PSD3: variants seen among roughly 807,000 people sequenced by gnomAD.
PSD3 encodes the protein pleckstrin and Sec7 domain containing 3.
A neutral mutation model predicts 105.5 loss-of-function variants in PSD3; 49 were observed. The ratio of observed to expected loss-of-function variants is 0.46; its 90% CI spans 0.37 to 0.59. PSD3 has a LOEUF of 0.59. Ranked by LOEUF, PSD3 falls within the 20% of genes least tolerant of loss-of-function variation. The probability of loss-of-function intolerance (pLI) is 0.00; values close to 1 mark genes in which losing one functional copy is unlikely to be tolerated. For missense variants in PSD3, 1,561 were observed against 1,263.8 expected, an observed-to-expected ratio of 1.24 and a Z score of -3.57; for synonymous variants, 557 against 457.8, an observed-to-expected ratio of 1.22 and a Z score of -2.77.
intron 2 of PSD3, chr8:18,886,899 C>T (rs1480154751): frequency 6.6e-6 from 1 of 152,220 alleles, no homozygotes; most frequent in African/African-American, 2.4e-5. Flanking sequence ...TTTGCTCTCC[C>T]TGTCTGCCTC....
At chr8:18,980,182 G>C (rs1825178801) in intron 1 of PSD3, among the ~76,000 whole-genome samples, 1 of 152,216 alleles carries the variant, frequency 6.6e-6, no homozygotes, top group Admixed American at 6.5e-5. Flanking sequence ...ATGTGAGTGA[G>C]ACTCCACCTC....
chr8:18,892,342 G>A (rs935336996), intron 2 of PSD3, among the ~76,000 whole-genome samples: 1 of 151,402 alleles, frequency 6.6e-6, no homozygotes, highest in Non-Finnish European at 1.5e-5. Flanking sequence ...TCCTGCCTCA[G>A]CCTCCCGAGT....
chr8:18,593,450 C>T lies in PSD3; in HGVS notation c.2481+6914G>A, dbSNP rs575894108. 2.1e-3 allele frequency among the ~76,000 whole-genome samples: 316 copies of T among 152,164 alleles called. 1 individual carries two copies. Among genetic ancestry groups the T allele is most frequent in the Non-Finnish European group, 3.7e-3 (253 of 67,992 alleles). ...TATCATCTCACACCAGTTAGAACGGCGATCGTTAAAAAGTCAGGAAACAAC... is the reference window on the plus strand; with the variant it reads ...TATCATCTCACACCAGTTAGAACGGTGATCGTTAAAAAGTCAGGAAACAAC... On this transcript the variant is annotated intron_variant, in intron 12 of 15. Transcript: ENST00000327040.
intron 1 of PSD3, among the ~76,000 whole-genome samples, chr8:19,082,322 G>C (rs1829670051): frequency 6.6e-6 from 1 of 152,122 alleles, no homozygotes; most frequent in African/African-American, 2.4e-5. Flanking sequence ...GGTCCTACCT[G>C]GTGTCTCACT....
intron 4 of PSD3, among the ~76,000 whole-genome samples, chr8:18,826,653 T>G (rs925975170): frequency 2.6e-5 from 4 of 152,252 alleles, no homozygotes; most frequent in Non-Finnish European, 5.9e-5. Flanking sequence ...TCTTTGAAGT[T>G]TGAAGAATGC....
At chr8:18,748,780 C>G (rs963237644) in intron 9 of PSD3, among the ~76,000 whole-genome samples, 30 of 152,062 alleles carry the variant, frequency 2.0e-4, no homozygotes, top group African/African-American at 6.5e-4. Context: ...CATCATCTCT[C>G]CACACAAGCT....
At chr8:18,630,798 G>A (rs1806842528) in intron 11 of PSD3, among the ~76,000 whole-genome samples, 1 of 151,892 alleles carries the variant, frequency 6.6e-6, no homozygotes, top group African/African-American at 2.4e-5. Flanking sequence ...CATTGAATAT[G>A]TACAGACTTT....
intron 8 of PSD3, among the ~76,000 whole-genome samples, chr8:18,793,162 C>G (rs1345503773): frequency 6.6e-6 from 1 of 151,904 alleles, no homozygotes. Context: ...ACATTGCACA[C>G]CCCCTGTCGT....
chr8:18,682,918 A>T (rs1411081376), intron 9 of PSD3, among the ~76,000 whole-genome samples: 3 of 152,038 alleles, frequency 2.0e-5, no homozygotes, highest in African/African-American at 7.3e-5. Flanking sequence ...CTCTCTGCAC[A>T]TTATCAAGCC....
chr8:18,622,274 G>A (rs886829176), intron 11 of PSD3, among the ~76,000 whole-genome samples: 1 of 152,098 alleles, frequency 6.6e-6, no homozygotes, highest in South Asian at 2.1e-4. Context: ...CACACAATTA[G>A]CCTCCTTTGA....
At chr8:18,856,122 G>A (rs1326076833) in intron 4 of PSD3, among the ~76,000 whole-genome samples, 2 of 151,910 alleles carry the variant, frequency 1.3e-5, no homozygotes, top group Non-Finnish European at 2.9e-5. Flanking sequence ...CCTGCTCCAC[G>A]CCACCCACAA....
In PSD3 at chr8:18,617,247, C is replaced by T. The variant is rs1298519335; in HGVS notation, c.2410+15366G>A. Among the ~76,000 whole-genome samples, 3 of 152,044 alleles carry T rather than the reference C, an allele frequency of 2.0e-5. No homozygotes were observed. In the East Asian group the frequency reaches 5.8e-4, roughly 29 times the overall value. On this transcript the variant is annotated intron_variant, in intron 11 of 15. Transcript: ENST00000327040. ...TATTTGTTAATTTTAAACTTTTCTA[C>T]TGGCCGGGCATGGTCGCTCATACCT...
chr8:18,838,715 T>C (rs770933546), intron 4 of PSD3, among the ~76,000 whole-genome samples: 1 of 151,324 alleles, frequency 6.6e-6, no homozygotes, highest in Non-Finnish European at 1.5e-5. Flanking sequence ...GGCAGGAGAA[T>C]GGCGTGAACC....
At chr8:18,813,177 G>A (rs1313523182) in intron 4 of PSD3, among the ~76,000 whole-genome samples, 1 of 152,152 alleles carries the variant, frequency 6.6e-6, no homozygotes, top group Non-Finnish European at 1.5e-5. Flanking sequence ...GTTCAAGGGT[G>A]GGTACAAGAC....
Position 19,047,975 on chromosome 8 carries a change from CCTT to C in PSD3, c.324+36228_324+36230del, listed in dbSNP as rs1248097719. On this transcript the variant is annotated intron_variant, in intron 1 of 1. Transcript: ENST00000521475. Reference sequence around the variant, plus strand: ...TTTAATGAAGCAGCATGAAAATTCACCTTCTACCTTTGCCTCTTCAGCAACTCC... The same window carrying C: ...TTTAATGAAGCAGCATGAAAATTCACCTACCTTTGCCTCTTCAGCAACTCC... 3.3e-5 allele frequency among the ~76,000 whole-genome samples: 5 copies of C among 152,072 alleles called. No individual in the cohort carries two copies. In the East Asian group the frequency reaches 9.7e-4, roughly 29 times the overall value.
chr8:18,904,372 A>C (rs1411563120), intron 2 of PSD3, among the ~76,000 whole-genome samples: 1 of 152,152 alleles, frequency 6.6e-6, no homozygotes, highest in Non-Finnish European at 1.5e-5. Context: ...TTGCACTCCA[A>C]CCCAGGCTGT....
intron 9 of PSD3, among the ~76,000 whole-genome samples, chr8:18,684,985 A>G (rs1183518479): frequency 6.6e-6 from 1 of 152,242 alleles, no homozygotes; most frequent in Non-Finnish European, 1.5e-5. Context: ...ATGTCTCACT[A>G]TCTGGCATCC....
rs1216632780 is a variant in PSD3 at position 19,013,629 on chromosome 8, T to A, written c.-46A>T. On this transcript the variant is annotated 5_prime_UTR_variant, in exon 1 of 16. Transcript: ENST00000327040. The stretch of plus-strand genomic sequence containing the variant: ...GCGCGCCGAAACCGCCGCCGGGCGC[T>A]CCGGGGCCGCAGCCTCAGGGCGCGA... 1 of 1,338,500 alleles carries A rather than the reference T, an allele frequency of 7.5e-7. No homozygotes were observed. The highest frequency in any genetic ancestry group is 3.3e-5 in the East Asian group (1 of 30,648). The allele number at this position is 1,338,500 out of a possible 1,614,324, so 82.9% of individuals were successfully genotyped here. A position where few individuals can be genotyped will look rare whatever the true frequency, so the allele number is the denominator to read the frequency against.
intron 4 of PSD3, among the ~76,000 whole-genome samples, chr8:18,865,813 G>A (rs908891871): frequency 3.9e-5 from 6 of 152,236 alleles, no homozygotes; most frequent in African/African-American, 1.2e-4. Context: ...ATCTCAACAC[G>A]GCCTGAAGAA....
Sources: gnomAD v4.1 joint callset for allele counts (sites outside exome capture counted in the v4.1 genomes callset) on GRCh38, gnomAD v4.1.1 for gene constraint, MANE v1.5 for transcripts, NCBI Gene and HGNC (gene_info 2026-07-23, HGNC 2026-07-21) for gene names.